DEK: variants seen among roughly 807,000 people sequenced by gnomAD.
The protein encoded by DEK is DEK proto-oncogene.
Under a neutral mutation model 46.8 loss-of-function variants are expected in DEK, and 28 were observed. That is an observed-to-expected ratio of 0.60 (90% CI 0.44 to 0.82). DEK has a LOEUF of 0.82. DEK is among the 40% of genes least tolerant of loss of function. DEK has a pLI of 0.00. For synonymous variants in DEK, 160 were observed against 144.5 expected, an observed-to-expected ratio of 1.11 and a Z score of -0.77; for missense variants, 416 against 430.6, an observed-to-expected ratio of 0.97 and a Z score of 0.30.
At chr6:18,231,403 A>T (rs1207828748) in intron 9 of DEK, among the ~76,000 whole-genome samples, 1 of 152,194 alleles carries the variant, frequency 6.6e-6, no homozygotes, top group Non-Finnish European at 1.5e-5. Context: ...ACACAAAAAA[A>T]CCTTCAAAAA....
chr6:18,245,575 T>C (rs1031637138), intron 7 of DEK, among the ~76,000 whole-genome samples: 4 of 152,214 alleles, frequency 2.6e-5, no homozygotes, highest in Admixed American at 2.6e-4. Flanking sequence ...ACAGAGGTAT[T>C]AGGATAAGAT....
At chr6:18,251,578 T>C (rs78309943) in intron 6 of DEK, among the ~76,000 whole-genome samples, 2,082 of 152,306 alleles carry the variant, frequency 0.014, 30 homozygotes, top group South Asian at 0.022. Flanking sequence ...TCAGAGAAGA[T>C]TCTCTATAAG....
At chr6:18,253,417 G>A (rs937061064) in intron 6 of DEK, among the ~76,000 whole-genome samples, 3 of 152,180 alleles carry the variant, frequency 2.0e-5, no homozygotes, top group Non-Finnish European at 4.4e-5. Context: ...TAATTTTTCT[G>A]ATGAGATGAT....
chr6:18,249,587 T>G (rs1395823205), intron 7 of DEK, 64 bp downstream of exon 7: 1 of 1,448,006 alleles, frequency 6.9e-7, no homozygotes, highest in Admixed American at 3.0e-5. Context: ...CTGTACCTTA[T>G]AGCAGAAATA....
At chr6:18,235,210 A>G (rs1031177681) in intron 9 of DEK, among the ~76,000 whole-genome samples, 1 of 152,204 alleles carries the variant, frequency 6.6e-6, no homozygotes, top group African/African-American at 2.4e-5. Context: ...AAATCTCAAT[A>G]ATCTACATAG....
At chr6:18,230,298 T>C (rs1267145317) in intron 9 of DEK, among the ~76,000 whole-genome samples, 1 of 152,076 alleles carries the variant, frequency 6.6e-6, no homozygotes, top group Non-Finnish European at 1.5e-5. Flanking sequence ...AGACCATCGA[T>C]GCTAGGAAGA....
chr6:18,237,201 C>T, intron 8 of DEK, 180 bp downstream of exon 8: 1 of 627,990 alleles, frequency 1.6e-6, no homozygotes, highest in Non-Finnish European at 2.5e-6. Context: ...ATATATATTG[C>T]AAAATCTGAA....
At chr6:18,251,334 C>G (rs569049599) in intron 6 of DEK, among the ~76,000 whole-genome samples, 2 of 152,254 alleles carry the variant, frequency 1.3e-5, no homozygotes, top group African/African-American at 4.8e-5. Context: ...CTTGCAGAGA[C>G]TAGAACGACA....
At chr6:18,230,639 A>G (rs1202837441) in intron 9 of DEK, among the ~76,000 whole-genome samples, 1 of 152,240 alleles carries the variant, frequency 6.6e-6, no homozygotes, top group Non-Finnish European at 1.5e-5. Flanking sequence ...GAAGGGCATT[A>G]CATAATGGTA....
intron 7 of DEK, among the ~76,000 whole-genome samples, chr6:18,238,721 T>G (rs1790773927): frequency 6.6e-6 from 1 of 151,738 alleles, no homozygotes; most frequent in African/African-American, 2.4e-5. Flanking sequence ...GAGTTCATAC[T>G]TTGTCTCATG....
At chr6:18,230,138 A>C (rs1181932991) in intron 9 of DEK, among the ~76,000 whole-genome samples, 2 of 152,190 alleles carry the variant, frequency 1.3e-5, no homozygotes, top group African/African-American at 4.8e-5. Context: ...AAGCTTCATA[A>C]GTGAAGGAGA....
rs929926427 is a variant in DEK at position 18,224,895 on chromosome 6, G to A, written c.*824C>T. ...TTATATAATATAAAACGTACCTACA[G>A]ACACTTTTACAGAGTTAATACTAAA... On this transcript the variant is annotated 3_prime_UTR_variant, in exon 11 of 11. Transcript: ENST00000652689. The A allele has an allele frequency of 2.8e-5, 6 of 212,916 alleles. No homozygotes were observed. The highest frequency in any genetic ancestry group is 1.4e-4 in the African/African-American group (6 of 44,200). 13.2% of individuals were successfully genotyped at this position (212,916 alleles called of 1,614,324 possible).
intron 4 of DEK, among the ~76,000 whole-genome samples, chr6:18,256,980 T>G (rs1194836575): frequency 6.6e-6 from 1 of 152,176 alleles, no homozygotes; most frequent in Admixed American, 6.6e-5. Flanking sequence ...GAAAATAAAT[T>G]ATGTCATGCA....
intron 7 of DEK, among the ~76,000 whole-genome samples, chr6:18,245,038 T>G (rs542702348): frequency 6.6e-6 from 1 of 152,190 alleles, no homozygotes; most frequent in East Asian, 1.9e-4. Flanking sequence ...GCCTTCCTCT[T>G]ATAAAGGTAG....
chr6:18,249,804 G>A lies in DEK; in HGVS notation c.609C>T (p.Gly203=). The change falls in exon 7 of 11, where the codon GGC becomes GGT. Residue 203 remains glycine, a synonymous_variant. Coordinates refer to ENST00000652689, the MANE Select transcript of DEK (RefSeq NM_003472.4). ...LPKSKKTCSK[G]SKKERNSSGM... Reference sequence around the variant, plus strand: ...CAGAACTGTTCCGTTCCTTTTTACTGCCTTTGCTACAAGTTTTTTTAGATT... The same window carrying A: ...CAGAACTGTTCCGTTCCTTTTTACTACCTTTGCTACAAGTTTTTTTAGATT... The A allele has an allele frequency of 6.3e-7, 1 of 1,599,352 alleles. No homozygotes were observed. Among genetic ancestry groups the A allele is most frequent in the Non-Finnish European group, 8.5e-7 (1 of 1,176,160 alleles).
intron 4 of DEK, among the ~76,000 whole-genome samples, chr6:18,257,527 A>G (rs1020067401): frequency 1.3e-5 from 2 of 152,146 alleles, no homozygotes; most frequent in East Asian, 1.9e-4. Context: ...GCCTGGGCAC[A>G]TGGCAAAACC....
chr6:18,226,972 G>A (rs1209927117), intron 9 of DEK, among the ~76,000 whole-genome samples: 4 of 152,122 alleles, frequency 2.6e-5, no homozygotes, highest in Non-Finnish European at 4.4e-5. Flanking sequence ...CTTGAAGGCA[G>A]CATGCTCGTT....
intron 7 of DEK, among the ~76,000 whole-genome samples, chr6:18,242,822 C>A (rs1790951672): frequency 6.6e-6 from 1 of 152,118 alleles, no homozygotes. Context: ...AGAAAAAAAT[C>A]ATATGTTGAG....
Position 18,226,263 on chromosome 6 carries a change from AAAT to A in DEK, c.1048-24_1048-22del, listed in dbSNP as rs767639520. On this transcript the variant is annotated intron_variant, in intron 9 of 10. Transcript: ENST00000652689. The stretch of plus-strand genomic sequence containing the variant: ...TAGACCTATGTATAGTGAAAAGGAA[AAAT>A]AATGTTAAAAGCAGATTTTAAAATC... 75 of 1,326,476 alleles carry A rather than the reference AAAT, an allele frequency of 5.7e-5. 1 individual carries two copies. Among genetic ancestry groups the A allele is most frequent in the Non-Finnish European group, 3.0e-6 (3 of 1,001,694 alleles). The allele number at this position is 1,326,476 out of a possible 1,614,324, so 82.2% of individuals were successfully genotyped here. A position where few individuals can be genotyped will look rare whatever the true frequency, so the allele number is the denominator to read the frequency against.
Sources: gnomAD v4.1 joint callset for allele counts (sites outside exome capture counted in the v4.1 genomes callset) on GRCh38, gnomAD v4.1.1 for gene constraint, MANE v1.5 for transcripts, NCBI Gene and HGNC (gene_info 2026-07-23, HGNC 2026-07-21) for gene names.